The following MYO3A variants were observed in gnomAD, a reference collection of about 807,000 sequenced individuals.
MYO3A encodes the protein myosin IIIA, also known as myosin-IIIa.
Under a neutral mutation model 192.7 loss-of-function variants are expected in MYO3A, and 180 were observed. The ratio of observed to expected loss-of-function variants is 0.93; its 90% confidence interval spans 0.83 to 1.06. The LOEUF (loss-of-function observed/expected upper bound fraction) is 1.06, where lower values mean the gene tolerates loss of function less well. MYO3A is among the 50% of genes least tolerant of loss of function. MYO3A has a pLI of 0.00. For synonymous variants in MYO3A, 628 were observed against 645.3 expected (o/e 0.97, Z 0.41); for missense variants, 1,896 against 1,905.0 (o/e 1.00, Z 0.09).
intron 31 of MYO3A, among the ~76,000 whole-genome samples, chr10:26,183,210 A>G (rs1589095736): frequency 6.6e-6 from 1 of 152,042 alleles, no homozygotes; most frequent in African/African-American, 2.4e-5. Flanking sequence ...CCTTACCTGA[A>G]CCTACCAGTA....
intron 10 of MYO3A, among the ~76,000 whole-genome samples, chr10:26,034,452 G>T (rs1217844698): frequency 2.0e-5 from 3 of 152,182 alleles, no homozygotes; most frequent in Non-Finnish European, 4.4e-5. Flanking sequence ...ACCTAGTTCA[G>T]TGTAAGTCGA....
intron 14 of MYO3A, among the ~76,000 whole-genome samples, chr10:26,073,295 G>C (rs545693778): frequency 3.9e-4 from 60 of 152,190 alleles, no homozygotes; most frequent in African/African-American, 1.2e-3. Context: ...GATGAGGCCG[G>C]GAGTGGTGGC....
chr10:25,937,851 G>C (rs544794585), intron 2 of MYO3A, among the ~76,000 whole-genome samples: 1 of 152,292 alleles, frequency 6.6e-6, no homozygotes, highest in South Asian at 2.1e-4. Context: ...ATTCAAAACA[G>C]AGCATACATG....
At chr10:26,084,601 T>C (rs1836186455) in intron 14 of MYO3A, among the ~76,000 whole-genome samples, 1 of 152,180 alleles carries the variant, frequency 6.6e-6, no homozygotes, top group Non-Finnish European at 1.5e-5. Context: ...ACTCCTGGGC[T>C]CAAGCGACCC....
intron 15 of MYO3A, among the ~76,000 whole-genome samples, chr10:26,092,541 G>A (rs1243049471): frequency 6.6e-6 from 1 of 152,118 alleles, no homozygotes; most frequent in African/African-American, 2.4e-5. Context: ...AGATTCAAAG[G>A]TTTCACAGGT....
chr10:26,090,480 G>T (rs1159247109), intron 15 of MYO3A, among the ~76,000 whole-genome samples: 1 of 152,096 alleles, frequency 6.6e-6, no homozygotes, highest in Non-Finnish European at 1.5e-5. Context: ...TGCTTATTGG[G>T]GAAAAGCATT....
intron 4 of MYO3A, among the ~76,000 whole-genome samples, chr10:25,995,227 C>G (rs1318407553): frequency 6.6e-6 from 1 of 152,092 alleles, no homozygotes; most frequent in Non-Finnish European, 1.5e-5. Context: ...TCTTTTTTCT[C>G]TAAACTTTTC....
chr10:26,010,711 C>T (rs1841594022), intron 6 of MYO3A, among the ~76,000 whole-genome samples: 1 of 152,186 alleles, frequency 6.6e-6, no homozygotes. Flanking sequence ...ATCCACCTGC[C>T]TCAGCCTCCC....
intron 10 of MYO3A, among the ~76,000 whole-genome samples, chr10:26,062,526 A>ACAC: frequency 8.6e-6 from 1 of 116,848 alleles, no homozygotes; most frequent in Non-Finnish European, 2.1e-5. Context: ...AAAAAAAAAA[A>ACAC]AAAAAAATTA....
At chr10:26,146,845 G>A (rs144787347) in intron 22 of MYO3A, among the ~76,000 whole-genome samples, 2 of 152,262 alleles carry the variant, frequency 1.3e-5, no homozygotes, top group Admixed American at 1.3e-4. Context: ...AGGCATGGTG[G>A]CTCACGCCTG....
intron 14 of MYO3A, among the ~76,000 whole-genome samples, chr10:26,080,660 GT>G (rs1399373649): frequency 2.0e-5 from 3 of 151,732 alleles, no homozygotes; most frequent in Non-Finnish European, 2.9e-5. Context: ...TGGTTTTCTG[GT>G]TCCTTTTTAT....
intron 6 of MYO3A, among the ~76,000 whole-genome samples, chr10:26,000,757 G>T (rs1419831019): frequency 6.6e-6 from 1 of 151,932 alleles, no homozygotes; most frequent in Non-Finnish European, 1.5e-5. Flanking sequence ...GATAATGAGG[G>T]CAGGAAGGAG....
intron 22 of MYO3A, among the ~76,000 whole-genome samples, chr10:26,146,491 C>G (rs1172937693): frequency 6.6e-6 from 1 of 152,158 alleles, no homozygotes; most frequent in East Asian, 1.9e-4. Context: ...GGGTTAGCAT[C>G]TGGGAGGCCT....
At chr10:26,167,285 CA>C (rs1453151571) in intron 27 of MYO3A, among the ~76,000 whole-genome samples, 2 of 150,150 alleles carry the variant, frequency 1.3e-5, no homozygotes, top group Non-Finnish European at 3.0e-5. Context: ...ATCCCTGTAA[CA>C]ATTTAAGAGA....
intron 4 of MYO3A, among the ~76,000 whole-genome samples, chr10:25,964,731 T>G (rs1838157106): frequency 6.6e-6 from 1 of 152,216 alleles, no homozygotes; most frequent in African/African-American, 2.4e-5. Flanking sequence ...TTATTAATTT[T>G]GTTTTCTTTC....
At chr10:26,046,778 T>TATATACAAGG (rs1394772231) in intron 10 of MYO3A, among the ~76,000 whole-genome samples, 1 of 152,208 alleles carries the variant, frequency 6.6e-6, no homozygotes, top group East Asian at 1.9e-4. Context: ...ATTCAGTAAA[T>TATATACAAGG]ATATACAAGG....
intron 18 of MYO3A, among the ~76,000 whole-genome samples, chr10:26,123,231 A>T (rs1337504060): frequency 1.3e-5 from 2 of 152,210 alleles, no homozygotes; most frequent in Non-Finnish European, 2.9e-5. Flanking sequence ...GACTACATAA[A>T]AATTAAAACT....
rs762914265 is a variant in MYO3A, at chr10:26,096,690, T to A, written c.1776+8T>A. 4.6e-6 allele frequency: 7 copies of A among 1,520,320 alleles called. No homozygotes were observed. The South Asian group carries it at 7.9e-5, about 17-fold the overall frequency. 94.2% of individuals were successfully genotyped at this position (1,520,320 alleles called of 1,614,324 possible). ...ATAGGTTTTACAATGGAGGTAAGTA[T>A]GAAAGACACTTGAACTTCTTTAGAA... is the stretch of plus-strand genomic sequence containing the variant. On this transcript the variant is annotated splice_region_variant and intron_variant, in intron 17 of 34. Transcript: ENST00000642920.
intron 2 of MYO3A, among the ~76,000 whole-genome samples, chr10:25,938,998 T>G (rs1836300804): frequency 6.6e-6 from 1 of 152,124 alleles, no homozygotes; most frequent in Non-Finnish European, 1.5e-5. Flanking sequence ...TTTGTTTAAC[T>G]TATGTACTCT....
Sources: gnomAD v4.1 joint callset for allele counts (sites outside exome capture counted in the v4.1 genomes callset) on GRCh38, gnomAD v4.1.1 for gene constraint, MANE v1.5 for transcripts, NCBI Gene and HGNC (gene_info 2026-07-23, HGNC 2026-07-21) for gene names.